Variants in LRRTM4 observed in about 807,000 individuals in gnomAD.
The protein encoded by LRRTM4 is leucine-rich repeat transmembrane neuronal protein 4.
In LRRTM4, 25 loss-of-function variants were observed where a neutral mutation model predicts 47.6. The ratio of observed to expected loss-of-function variants is 0.53; its 90% CI spans 0.38 to 0.73. LRRTM4 has a LOEUF of 0.73. LRRTM4 is among the 30% of genes least tolerant of loss of function. The probability of loss-of-function intolerance (pLI) is 0.00; values close to 1 mark genes in which losing one functional copy is unlikely to be tolerated. For synonymous variants in LRRTM4, 311 were observed against 269.5 expected, an observed-to-expected ratio of 1.15 and a Z score of -1.51; for missense variants, 638 against 713.4, an observed-to-expected ratio of 0.89 and a Z score of 1.20.
chr2:76,818,782 C>CA (rs1220160374), intron 3 of LRRTM4, among the ~76,000 whole-genome samples: 19 of 151,572 alleles, frequency 1.3e-4, no homozygotes, highest in South Asian at 8.3e-4. Context: ...TAATATTATT[C>CA]AAAAAAACCA....
chr2:76,924,677 G>A (rs772644816), intron 3 of LRRTM4, among the ~76,000 whole-genome samples: 1 of 151,852 alleles, frequency 6.6e-6, no homozygotes, highest in African/African-American at 2.4e-5. Context: ...ATTGGCTTAT[G>A]CATGATTTCA....
intron 3 of LRRTM4, among the ~76,000 whole-genome samples, chr2:76,995,442 T>C (rs958912472): frequency 5.3e-5 from 8 of 151,972 alleles, no homozygotes; most frequent in South Asian, 2.1e-4. Flanking sequence ...TATAGCTATC[T>C]CAGTGAACAA....
chr2:77,232,740 T>C (rs188083279), intron 3 of LRRTM4, among the ~76,000 whole-genome samples: 2 of 152,278 alleles, frequency 1.3e-5, no homozygotes, highest in Admixed American at 1.3e-4. Flanking sequence ...TACTTATGGG[T>C]AAGAGTATTT....
chr2:77,064,045 G>A (rs1350801833), intron 3 of LRRTM4, among the ~76,000 whole-genome samples: 1 of 152,076 alleles, frequency 6.6e-6, no homozygotes, highest in Non-Finnish European at 1.5e-5. Flanking sequence ...CTTTTAAGGA[G>A]CAAGAAATTC....
At chr2:76,851,080 G>A (rs1178377365) in intron 3 of LRRTM4, among the ~76,000 whole-genome samples, 1 of 152,178 alleles carries the variant, frequency 6.6e-6, no homozygotes, top group African/African-American at 2.4e-5. Context: ...TGCTAACAGT[G>A]CACATTCAGG....
intron 3 of LRRTM4, among the ~76,000 whole-genome samples, chr2:77,012,974 A>C (rs760058348): frequency 2.2e-4 from 33 of 152,252 alleles, no homozygotes; most frequent in Non-Finnish European, 4.0e-4. Context: ...ACAGATGTTC[A>C]AGAGGTATAA....
At chr2:77,166,852 C>T (rs556202660) in intron 3 of LRRTM4, among the ~76,000 whole-genome samples, 135 of 152,146 alleles carry the variant, frequency 8.9e-4, no homozygotes, top group Non-Finnish European at 1.6e-3. Context: ...CCATAAAAAC[C>T]CTAGAAGAAA....
chr2:77,349,540 G>T (rs2104292965), intron 3 of LRRTM4, among the ~76,000 whole-genome samples: 1 of 152,094 alleles, frequency 6.6e-6, no homozygotes, highest in Admixed American at 6.5e-5. Flanking sequence ...TTAGAGTTTT[G>T]TTGTCGTTTG....
At position 77,276,566 on chromosome 2, in the gene LRRTM4, TATC is replaced by T. The variant is rs1337754873; in HGVS notation, c.1551+241749_1551+241751del. Reference sequence around the variant, plus strand: ...TTTCCTCCAACTCCAATGCATTTATTATCGTCTTGCATAATTAGTGCTAAATAA... The same window carrying T: ...TTTCCTCCAACTCCAATGCATTTATTGTCTTGCATAATTAGTGCTAAATAA... On this transcript the variant is annotated intron_variant, in intron 3 of 3. Transcript: ENST00000409884. Among the ~76,000 whole-genome samples the T allele has an allele frequency of 2.0e-5, 3 of 150,360 alleles. No homozygotes were observed. The Admixed American group carries it at 2.0e-4, about 10-fold the overall frequency.
intron 3 of LRRTM4, among the ~76,000 whole-genome samples, chr2:76,978,395 T>G (rs1676488525): frequency 6.6e-6 from 1 of 152,098 alleles, no homozygotes. Flanking sequence ...TGATGAATGG[T>G]AATGGCTGTA....
intron 3 of LRRTM4, among the ~76,000 whole-genome samples, chr2:76,994,475 C>G (rs529495702): frequency 6.6e-6 from 1 of 151,850 alleles, no homozygotes; most frequent in African/African-American, 2.4e-5. Flanking sequence ...CAGCGTGAAG[C>G]TTTGGCTACT....
chr2:76,848,894 G>T (rs1392497333), intron 3 of LRRTM4, among the ~76,000 whole-genome samples: 1 of 152,050 alleles, frequency 6.6e-6, no homozygotes, highest in Non-Finnish European at 1.5e-5. Context: ...CTTATTTCAT[G>T]AAAGAACTCT....
At chr2:77,031,351 TC>T (rs1455240811) in intron 3 of LRRTM4, among the ~76,000 whole-genome samples, 6 of 152,044 alleles carry the variant, frequency 3.9e-5, no homozygotes, top group African/African-American at 1.2e-4. Context: ...TGGCTTTATG[TC>T]TTTATTTCAT....
chr2:77,480,839 GAGAGA>G, intron 3 of LRRTM4, among the ~76,000 whole-genome samples: 1 of 41,066 alleles, frequency 2.4e-5, no homozygotes, highest in Non-Finnish European at 6.4e-5. Context: ...GAGAGAGAGA[GAGAGA>G]GAGAGAGAGA....
rs1042492132 is a variant in LRRTM4 at position 76,797,364 on chromosome 2, T to G, written c.1552-48448A>C. On this transcript the variant is annotated intron_variant, in intron 3 of 3. Coordinates refer to ENST00000409884, the MANE Select transcript of LRRTM4 (RefSeq NM_001134745.3). ...CCCAGAATTGCATATCCAGCCAAAC[T>G]AAGCTTCATAAGCGAATGAGAAATG... 8.6e-5 allele frequency among the ~76,000 whole-genome samples: 13 copies of G among 151,984 alleles called. No homozygotes were observed. In the East Asian group the frequency reaches 1.9e-3, roughly 23 times the overall value.
chr2:76,764,082 C>A (rs1673361940), intron 3 of LRRTM4, among the ~76,000 whole-genome samples: 1 of 152,056 alleles, frequency 6.6e-6, no homozygotes, highest in African/African-American at 2.4e-5. Flanking sequence ...AGTGATGAAA[C>A]TGAATATTTA....
chr2:77,217,070 CAA>C (rs553127745), intron 3 of LRRTM4, among the ~76,000 whole-genome samples: 34 of 84,100 alleles, frequency 4.0e-4, no homozygotes, highest in East Asian at 5.9e-4. Context: ...GAGACTCTGT[CAA>C]AAAAAAAAAA....
Position 76,901,809 on chromosome 2 carries a change from A to G in LRRTM4, c.1552-152893T>C, listed in dbSNP as rs574456410. The stretch of plus-strand genomic sequence containing the variant: ...TTGTTACATGCACACTGGATCTGGC[A>G]GTAACTTAGCTGACAGAACTGGGCA... On this transcript the variant is annotated intron_variant, in intron 3 of 3. Transcript: ENST00000409884. Among the ~76,000 whole-genome samples the G allele has an allele frequency of 1.4e-4, 22 of 152,250 alleles. No individual in the cohort carries two copies. The East Asian group carries it at 4.3e-3, about 29-fold the overall frequency.
At position 76,816,819 on chromosome 2, in the gene LRRTM4, G is replaced by GTTTTTTTTTT. The variant is rs201525166; in HGVS notation, c.1552-67913_1552-67904dup. ...CACTGCTTTTACTTAGAGGTAAAGA[G>GTTTTTTTTTT]TTTTTTTTTTTTTTTTTTTTTTTTT... On this transcript the variant is annotated intron_variant, in intron 3 of 3. Coordinates refer to ENST00000409884, the MANE Select transcript of LRRTM4 (RefSeq NM_001134745.3). Among the ~76,000 whole-genome samples the GTTTTTTTTTT allele has an allele frequency of 1.1e-3, 109 of 96,500 alleles. 3 individuals are homozygous for GTTTTTTTTTT. The highest frequency in any genetic ancestry group is 2.1e-3 in the South Asian group (7 of 3,344). 63.3% of individuals were successfully genotyped at this position (96,500 alleles called of 152,430 possible). A position where few individuals can be genotyped will look rare whatever the true frequency, so the allele number is the denominator to read the frequency against.
Sources: allele counts gnomAD v4.1 joint callset (sites outside exome capture counted in the v4.1 genomes callset), GRCh38; gene constraint gnomAD v4.1.1; transcripts MANE v1.5; gene names NCBI Gene and HGNC (gene_info 2026-07-23, HGNC 2026-07-21).